The following FRMPD4 variants were observed in gnomAD, a reference collection of about 807,000 sequenced individuals.
FRMPD4 encodes FERM and PDZ domain-containing protein 4.
In FRMPD4, 22 loss-of-function variants were observed where a neutral mutation model predicts 94.1. The observed-to-expected ratio is 0.23, with a 90% CI of 0.17 to 0.33. FRMPD4 has a LOEUF of 0.33. Ranked by LOEUF, FRMPD4 falls within the 10% of genes least tolerant of loss-of-function variation. FRMPD4 has a pLI of 1.00. For synonymous variants in FRMPD4, 631 were observed against 548.6 expected, an observed-to-expected ratio of 1.15 and a Z score of -2.10; for missense variants, 1,111 against 1,339.9, an observed-to-expected ratio of 0.83 and a Z score of 2.67.
intron 1 of FRMPD4, among the ~76,000 whole-genome samples, chrX:12,215,582 CT>C (rs1403217816): frequency 1.8e-5 from 2 of 111,751 alleles, no homozygotes; most frequent in Non-Finnish European, 3.8e-5. Context: ...TCATAGTGAC[CT>C]AAGAAGTAGA....
chrX:11,944,286 A>G (rs2054177327), intron 3 of FRMPD4, among the ~76,000 whole-genome samples: 2 of 112,208 alleles, frequency 1.8e-5, no homozygotes, highest in African/African-American at 3.2e-5. Context: ...TTACCTGGAT[A>G]CCACAGGTGA....
At chrX:12,356,226 G>A (rs1284045493) in intron 1 of FRMPD4, among the ~76,000 whole-genome samples, 1 of 112,124 alleles carries the variant, frequency 8.9e-6, no homozygotes. Context: ...GCTTTGCGGG[G>A]CTGCTTCTGT....
intron 2 of FRMPD4, among the ~76,000 whole-genome samples, chrX:12,594,505 G>A (rs954061036): frequency 9.1e-6 from 1 of 109,951 alleles, no homozygotes; most frequent in South Asian, 4.0e-4. Context: ...GCGGGGTCTC[G>A]GCTCACTGCA....
chrX:12,448,979 C>G (rs961487895), intron 1 of FRMPD4, among the ~76,000 whole-genome samples: 3 of 111,716 alleles, frequency 2.7e-5, no homozygotes, highest in African/African-American at 9.7e-5. Flanking sequence ...AACTAGCTAT[C>G]TGATGGCCAA....
At chrX:12,556,427 G>A (rs764091877) in intron 2 of FRMPD4, among the ~76,000 whole-genome samples, 45 of 111,176 alleles carry the variant, frequency 4.0e-4, no homozygotes, top group Non-Finnish European at 8.1e-4. Context: ...TGCCTACGGA[G>A]GGGGGTGGAC....
At chrX:11,865,056 T>G (rs1158764342) in intron 1 of FRMPD4, among the ~76,000 whole-genome samples, 1 of 111,946 alleles carries the variant, frequency 8.9e-6, no homozygotes, top group Non-Finnish European at 1.9e-5. Flanking sequence ...ACAAAGAAGA[T>G]AGTCAAACCA....
At chrX:12,536,758 T>C (rs1045323154) in intron 2 of FRMPD4, among the ~76,000 whole-genome samples, 4 of 111,393 alleles carry the variant, frequency 3.6e-5, no homozygotes, top group Admixed American at 9.6e-5. Flanking sequence ...AAAAAATCAT[T>C]GTGCCCTCAT....
chrX:12,162,825 C>G (rs761372761), intron 1 of FRMPD4, among the ~76,000 whole-genome samples: 1 of 111,647 alleles, frequency 9.0e-6, no homozygotes, highest in South Asian at 3.8e-4. Context: ...CAAACATACA[C>G]TCTGCTTATG....
intron 1 of FRMPD4, among the ~76,000 whole-genome samples, chrX:12,450,846 G>T: frequency 1.3e-5 from 1 of 78,020 alleles, no homozygotes; most frequent in African/African-American, 4.7e-5. Context: ...TTTGGACTCA[G>T]TGTTGTTCTA....
chrX:12,381,958 AGAG>A (rs1271845555), intron 1 of FRMPD4, among the ~76,000 whole-genome samples: 3 of 111,069 alleles, frequency 2.7e-5, no homozygotes, highest in African/African-American at 9.8e-5. Flanking sequence ...TGAGACTTTC[AGAG>A]GAGGAGGAAA....
chrX:12,517,422 T>G (rs1191889881), intron 2 of FRMPD4, among the ~76,000 whole-genome samples: 5 of 112,931 alleles, frequency 4.4e-5, no homozygotes, highest in Non-Finnish European at 7.5e-5. Context: ...GTTGTTACTT[T>G]CTGTTTGTTT....
intron 3 of FRMPD4, among the ~76,000 whole-genome samples, chrX:12,065,365 C>T (rs1331699550): frequency 8.9e-6 from 1 of 112,019 alleles, no homozygotes; most frequent in Non-Finnish European, 1.9e-5. Flanking sequence ...TTCCAGCCAA[C>T]GCCAAACAGT....
At chrX:12,679,953 G>C (rs891473252) in intron 5 of FRMPD4, among the ~76,000 whole-genome samples, 3 of 111,805 alleles carry the variant, frequency 2.7e-5, no homozygotes, top group Non-Finnish European at 3.8e-5. Flanking sequence ...CTGCATTTTG[G>C]AGACTCCAAA....
At position 12,721,191 on chromosome X, in the gene FRMPD4, C is replaced by T; in HGVS notation, c.4622C>T (p.Pro1541Leu). 1.3e-6 allele frequency: 1 copy of T among 755,365 alleles called. No homozygotes were observed. The highest frequency in any genetic ancestry group is 1.5e-4 in the East Asian group (1 of 6,642). The allele number at this position is 755,365 out of a possible 1,213,427, so 62.3% of individuals were successfully genotyped here. Residue 1541 changes from proline to leucine, a missense_variant, in exon 17 of 17, where the codon CCA (proline) becomes CTA (leucine). Physicochemically the swap from Pro to Leu is moderately conservative, Grantham distance 98. Coordinates refer to ENST00000675598, the MANE Select transcript of FRMPD4 (RefSeq NM_001368397.1). ...AGACCACAGATGACTCAAGCCATGC[C>T]AGAACCAAGCAGCCCATGCCTGGCT... ...LYRPQMTQAM[P>L]EPSSPCLAVA...
chrX:12,244,142 A>T (rs1282930221), intron 1 of FRMPD4, among the ~76,000 whole-genome samples: 1 of 108,309 alleles, frequency 9.2e-6, no homozygotes, highest in Non-Finnish European at 1.9e-5. Context: ...TATTTTTTTT[A>T]AATGAAGCTG....
chrX:12,523,243 C>A (rs1257867824), intron 2 of FRMPD4, among the ~76,000 whole-genome samples: 1 of 111,841 alleles, frequency 8.9e-6, no homozygotes, highest in Non-Finnish European at 1.9e-5. Context: ...AACCAGGTAA[C>A]AACAAACTGA....
chrX:12,515,729 T>C (rs775372413), intron 2 of FRMPD4, among the ~76,000 whole-genome samples: 1 of 111,990 alleles, frequency 8.9e-6, no homozygotes, highest in Non-Finnish European at 1.9e-5. Context: ...TGAGTTCAAG[T>C]CCTGAATATC....
At chrX:12,299,088 A>G (rs2054817684) in intron 1 of FRMPD4, among the ~76,000 whole-genome samples, 1 of 112,274 alleles carries the variant, frequency 8.9e-6, no homozygotes, top group South Asian at 3.7e-4. Context: ...TATGGGACTC[A>G]TAACGTATTT....
At chrX:12,655,298 G>T (rs1469022125) in intron 4 of FRMPD4, among the ~76,000 whole-genome samples, 1 of 111,867 alleles carries the variant, frequency 8.9e-6, no homozygotes, top group South Asian at 3.8e-4. Flanking sequence ...CTGCTGTGAC[G>T]ATTGTTCAGT....
Sources: allele counts gnomAD v4.1 joint callset (sites outside exome capture counted in the v4.1 genomes callset), GRCh38; gene constraint gnomAD v4.1.1; transcripts MANE v1.5; gene names NCBI Gene and HGNC (gene_info 2026-07-23, HGNC 2026-07-21).